The following IKZF2 variants were observed in gnomAD, a reference collection of about 807,000 sequenced individuals.
IKZF2 encodes the protein zinc finger protein Helios.
In IKZF2, 15 loss-of-function variants were observed where a neutral mutation model predicts 49.2. The observed-to-expected ratio is 0.30, with a 90% confidence interval of 0.20 to 0.47. IKZF2 has a LOEUF of 0.47. IKZF2 is among the 20% of genes least tolerant of loss of function. The probability of loss-of-function intolerance (pLI) is 1.00; values close to 1 mark genes in which losing one functional copy is unlikely to be tolerated. For synonymous variants in IKZF2, 227 were observed against 221.4 expected, an observed-to-expected ratio of 1.03 and a Z score of -0.23; for missense variants, 567 against 664.6, an observed-to-expected ratio of 0.85 and a Z score of 1.61.
At chr2:213,112,880 G>A (rs2059759857) in intron 4 of IKZF2, among the ~76,000 whole-genome samples, 1 of 151,948 alleles carries the variant, frequency 6.6e-6, no homozygotes, top group South Asian at 2.1e-4. Context: ...ACCTCATAGG[G>A]TTTTATTGAG....
chr2:213,038,305 C>T (rs1271811778), intron 6 of IKZF2, among the ~76,000 whole-genome samples: 3 of 152,122 alleles, frequency 2.0e-5, no homozygotes, highest in South Asian at 2.1e-4. Flanking sequence ...GTGATCTGCC[C>T]GTCTCGGCCT....
At chr2:213,095,231 A>C (rs185138025) in intron 4 of IKZF2, among the ~76,000 whole-genome samples, 2 of 152,268 alleles carry the variant, frequency 1.3e-5, no homozygotes, top group African/African-American at 4.8e-5. Flanking sequence ...TTCTTTTAGG[A>C]TAAAGTAAAT....
intron 4 of IKZF2, among the ~76,000 whole-genome samples, chr2:213,112,960 C>T (rs16849760): frequency 2.0e-3 from 308 of 152,010 alleles, no homozygotes; most frequent in African/African-American, 6.7e-3. Flanking sequence ...AAAACATTTC[C>T]CTTGATCCTA....
At chr2:213,106,304 G>A (rs959049343) in intron 4 of IKZF2, among the ~76,000 whole-genome samples, 10 of 151,650 alleles carry the variant, frequency 6.6e-5, no homozygotes, top group Non-Finnish European at 1.0e-4. Flanking sequence ...AGATCCTTGC[G>A]CCTGTTTTTT....
chr2:213,115,787 CA>C (rs2059851212), intron 4 of IKZF2, among the ~76,000 whole-genome samples: 2 of 152,056 alleles, frequency 1.3e-5, no homozygotes, highest in Admixed American at 1.3e-4. Context: ...TGCTAAACAC[CA>C]AATGTCAGTA....
chr2:213,079,801 C>T (rs1703730927), intron 4 of IKZF2, among the ~76,000 whole-genome samples: 1 of 152,194 alleles, frequency 6.6e-6, no homozygotes, highest in Non-Finnish European at 1.5e-5. Context: ...CACCTTAAGG[C>T]ATCTAATTAG....
chr2:213,118,475 C>G (rs1344107147), intron 4 of IKZF2, among the ~76,000 whole-genome samples: 2 of 152,110 alleles, frequency 1.3e-5, no homozygotes, highest in Admixed American at 1.3e-4. Context: ...ATTTGTAAAA[C>G]TATAACTAGA....
intron 6 of IKZF2, among the ~76,000 whole-genome samples, chr2:213,035,934 C>G (rs951131788): frequency 5.9e-5 from 9 of 152,080 alleles, no homozygotes; most frequent in African/African-American, 2.2e-4. Context: ...CAGACCAGAG[C>G]TTATATCTCA....
At chr2:213,062,119 T>G (rs905862175) in intron 4 of IKZF2, among the ~76,000 whole-genome samples, 2 of 151,606 alleles carry the variant, frequency 1.3e-5, no homozygotes, top group African/African-American at 4.8e-5. Flanking sequence ...CAAATTAAGA[T>G]AATAAATTCT....
chr2:213,093,983 A>G (rs751124935), intron 4 of IKZF2, among the ~76,000 whole-genome samples: 2 of 152,194 alleles, frequency 1.3e-5, no homozygotes, highest in Non-Finnish European at 2.9e-5. Context: ...TATAATCGAG[A>G]TATAACTTAG....
chr2:213,099,445 A>G (rs1706395866), intron 4 of IKZF2, among the ~76,000 whole-genome samples: 1 of 151,748 alleles, frequency 6.6e-6, no homozygotes, highest in Admixed American at 6.6e-5. Context: ...AATTTTTGTG[A>G]TCATCAACAA....
chr2:213,106,568 G>A (rs1453133045), intron 4 of IKZF2, among the ~76,000 whole-genome samples: 1 of 149,916 alleles, frequency 6.7e-6, no homozygotes, highest in Admixed American at 6.7e-5. Context: ...CCAGGAGTTC[G>A]AGGCTGCCAC....
intron 4 of IKZF2, among the ~76,000 whole-genome samples, chr2:213,140,246 A>G (rs2060819666): frequency 6.6e-6 from 1 of 151,968 alleles, no homozygotes; most frequent in East Asian, 1.9e-4. Context: ...TGTAATAAAT[A>G]TTTCAGAATA....
At chr2:213,123,012 A>C (rs906963369) in intron 4 of IKZF2, among the ~76,000 whole-genome samples, 2 of 152,244 alleles carry the variant, frequency 1.3e-5, no homozygotes, top group Non-Finnish European at 2.9e-5. Flanking sequence ...TTACAACAGT[A>C]AATCCAATAA....
intron 5 of IKZF2, among the ~76,000 whole-genome samples, chr2:213,051,210 T>A (rs1182740526): frequency 1.3e-5 from 2 of 152,030 alleles, no homozygotes; most frequent in African/African-American, 4.8e-5. Flanking sequence ...ATGGTCACTT[T>A]CTGGCAGCAG....
At chr2:213,031,218 AGTATTCC>A (rs1698396463) in intron 6 of IKZF2, among the ~76,000 whole-genome samples, 1 of 152,254 alleles carries the variant, frequency 6.6e-6, no homozygotes, top group African/African-American at 2.4e-5. Flanking sequence ...GAGCACCTCC[AGTATTCC>A]ATGTCCACGT....
intron 4 of IKZF2, among the ~76,000 whole-genome samples, chr2:213,143,143 A>G (rs1351804501): frequency 3.3e-5 from 5 of 152,020 alleles, no homozygotes; most frequent in Non-Finnish European, 5.9e-5. Context: ...ATATATCAAC[A>G]TGTCAAAAGT....
chr2:213,073,809 A>G (rs373082734), intron 4 of IKZF2, among the ~76,000 whole-genome samples: 11 of 152,324 alleles, frequency 7.2e-5, no homozygotes, highest in Non-Finnish European at 1.0e-4. Context: ...TCTCTAAATA[A>G]CCTAAATTTT....
chr2:213,062,508 G>T (rs1701795394), intron 4 of IKZF2, among the ~76,000 whole-genome samples: 2 of 151,718 alleles, frequency 1.3e-5, no homozygotes, highest in East Asian at 3.9e-4. Context: ...ATTTTTCAAG[G>T]AAGTAAATAT....
Sources: allele counts gnomAD v4.1 joint callset (sites outside exome capture counted in the v4.1 genomes callset), GRCh38; gene constraint gnomAD v4.1.1; transcripts MANE v1.5; gene names NCBI Gene and HGNC (gene_info 2026-07-23, HGNC 2026-07-21).